HIVEP3: variants seen among roughly 807,000 people sequenced by gnomAD.
HIVEP3 encodes transcription factor HIVEP3.
HIVEP3 carries 49 observed loss-of-function variants against 152.8 expected under a neutral mutation model. The ratio of observed to expected loss-of-function variants is 0.32; its 90% confidence interval spans 0.26 to 0.41. The LOEUF (loss-of-function observed/expected upper bound fraction) is 0.41, where lower values mean the gene tolerates loss of function less well. Ranked by LOEUF, HIVEP3 falls within the 10% of genes least tolerant of loss-of-function variation. The pLI, the probability that HIVEP3 is intolerant of heterozygous loss-of-function variation, is 1.00. For synonymous variants in HIVEP3, 1,269 were observed against 1,289.0 expected, an observed-to-expected ratio of 0.98 and a Z score of 0.33; for missense variants, 2,790 against 3,103.3, an observed-to-expected ratio of 0.90 and a Z score of 2.40.
chr1:41,531,877 T>G, intron 5 of HIVEP3, among the ~76,000 whole-genome samples: 2 of 82,134 alleles, frequency 2.4e-5, no homozygotes, highest in African/African-American at 9.6e-5. Context: ...ACAGGAGAGA[T>G]GGAGGACAGG....
intron 1 of HIVEP3, among the ~76,000 whole-genome samples, chr1:41,889,360 T>C (rs1644410760): frequency 6.6e-6 from 1 of 152,206 alleles, no homozygotes; most frequent in South Asian, 2.1e-4. Context: ...AGGCAGGAGT[T>C]GTGGAGTCAC....
intron 1 of HIVEP3, among the ~76,000 whole-genome samples, chr1:41,868,169 A>G (rs1467047781): frequency 6.8e-6 from 1 of 146,354 alleles, no homozygotes; most frequent in Non-Finnish European, 1.5e-5. Context: ...CATGAACACC[A>G]TCAGTAGTTA....
chr1:41,545,473 A>AG (rs1643749527), intron 5 of HIVEP3, among the ~76,000 whole-genome samples: 2 of 49,046 alleles, frequency 4.1e-5, no homozygotes, highest in African/African-American at 1.7e-4. Context: ...ACCACCACCA[A>AG]CACCACTACC....
chr1:41,530,191 G>T (rs1283915803), intron 5 of HIVEP3, among the ~76,000 whole-genome samples: 2 of 152,220 alleles, frequency 1.3e-5, no homozygotes, highest in Non-Finnish European at 2.9e-5. Flanking sequence ...GCCCTGACCA[G>T]CCAGTTTTGG....
chr1:41,511,241 G>A lies in HIVEP3; in HGVS notation c.6431C>T (p.Ser2144Phe). ...PWQKAESRSP[S>F]CSPGPAHPLS... ...AGGATGAGCAGGGCCGGGTGAGCAG[G>A]AGGGACTTCGGGACTCGGCCTTCTG... Residue 2144 changes from serine to phenylalanine, a missense_variant, in exon 9 of 9, where the codon TCC (serine) becomes TTC (phenylalanine). Transcript: ENST00000372583. The surrounding 1 kb of genome is among the most constrained non-coding windows in gnomAD (Gnocchi z 4.9). The A allele has an allele frequency of 6.2e-7, 1 of 1,610,332 alleles. No homozygotes were observed. Among genetic ancestry groups the A allele is most frequent in the Non-Finnish European group, 8.5e-7 (1 of 1,177,884 alleles).
chr1:41,675,325 G>A lies in HIVEP3; in HGVS notation c.-721+25591C>T, dbSNP rs1645938326. 5.9e-5 allele frequency among the ~76,000 whole-genome samples: 9 copies of A among 152,220 alleles called. 1 individual carries two copies. In the South Asian group the frequency reaches 1.9e-3, roughly 32 times the overall value. On this transcript the variant is annotated intron_variant, in intron 2 of 8. Transcript: ENST00000372583. ...GCCTCAGGGCCTTTGTACATGCTGTGTCTGTGCCTGGGACACTCTGCTCGT... is the reference window on the plus strand; with the variant it reads ...GCCTCAGGGCCTTTGTACATGCTGTATCTGTGCCTGGGACACTCTGCTCGT...
chr1:41,805,754 C>A (rs1019636447), intron 1 of HIVEP3, among the ~76,000 whole-genome samples: 2 of 152,198 alleles, frequency 1.3e-5, no homozygotes, highest in African/African-American at 4.8e-5. Flanking sequence ...AAGGCATAAG[C>A]TATGAATGGA....
intron 1 of HIVEP3, among the ~76,000 whole-genome samples, chr1:41,949,248 G>A (rs990120892): frequency 4.6e-5 from 7 of 152,092 alleles, no homozygotes; most frequent in African/African-American, 1.4e-4. Flanking sequence ...CCTAAGCCCC[G>A]AAACAAAAGA....
Position 41,880,258 on chromosome 1 carries a change from C to T in HIVEP3, c.-801+38155G>A, listed in dbSNP as rs185722984. ...GTCTCCCTATGTTGCCCAGGCTGGT[C>T]CCGAACTCCTAGGCTCAAGCAATGC... On this transcript the variant is annotated intron_variant, in intron 1 of 8. Coordinates refer to ENST00000372583, the MANE Select transcript of HIVEP3 (RefSeq NM_024503.5). Among the ~76,000 whole-genome samples the T allele has an allele frequency of 7.2e-4, 109 of 152,210 alleles. 1 individual carries two copies. Among genetic ancestry groups the T allele is most frequent in the Middle Eastern group, 3.4e-3 (1 of 294 alleles).
chr1:41,596,663 CAT>C (rs764272375), intron 3 of HIVEP3, among the ~76,000 whole-genome samples: 1 of 152,174 alleles, frequency 6.6e-6, no homozygotes, highest in Non-Finnish European at 1.5e-5. Context: ...ACAAAACAAA[CAT>C]ATTGATTCTT....
At chr1:42,021,750 T>C (rs1645555900) in intron 1 of HIVEP3, among the ~76,000 whole-genome samples, 1 of 152,176 alleles carries the variant, frequency 6.6e-6, no homozygotes, top group Admixed American at 6.5e-5. Context: ...GACTGAGGAA[T>C]GTCCAGTGAG....
chr1:41,882,882 C>A (rs1416890962), intron 1 of HIVEP3, among the ~76,000 whole-genome samples: 2 of 152,168 alleles, frequency 1.3e-5, no homozygotes. Flanking sequence ...TATACTGCCA[C>A]TTTGGTTTGT....
intron 5 of HIVEP3, among the ~76,000 whole-genome samples, chr1:41,575,260 G>C (rs745370444): frequency 9.2e-5 from 14 of 152,166 alleles, no homozygotes; most frequent in Non-Finnish European, 1.6e-4. Context: ...CTAGAAACCT[G>C]GCCAGGATCT....
At chr1:41,690,143 T>C (rs1646174508) in intron 2 of HIVEP3, among the ~76,000 whole-genome samples, 1 of 152,268 alleles carries the variant, frequency 6.6e-6, no homozygotes, top group Non-Finnish European at 1.5e-5. Context: ...TGACACCAGC[T>C]TATGGCAGGG....
At chr1:41,685,089 C>T (rs1646095200) in intron 2 of HIVEP3, among the ~76,000 whole-genome samples, 1 of 152,190 alleles carries the variant, frequency 6.6e-6, no homozygotes. Context: ...TCTCTGAGCC[C>T]CCACTGTCCC....
At chr1:41,804,260 G>A (rs918809917) in intron 1 of HIVEP3, among the ~76,000 whole-genome samples, 9 of 152,262 alleles carry the variant, frequency 5.9e-5, no homozygotes, top group African/African-American at 2.2e-4. Context: ...GCCTGTACCT[G>A]CCTGGATTCA....
At chr1:41,659,975 G>A (rs528308395) in intron 2 of HIVEP3, among the ~76,000 whole-genome samples, 4 of 152,344 alleles carry the variant, frequency 2.6e-5, no homozygotes, top group East Asian at 3.9e-4. Flanking sequence ...AGTGTGCGTA[G>A]GAGCAGATGT....
At chr1:41,745,985 T>C (rs1043476133) in intron 1 of HIVEP3, among the ~76,000 whole-genome samples, 2 of 152,186 alleles carry the variant, frequency 1.3e-5, no homozygotes, top group African/African-American at 4.8e-5. Context: ...GGTCAACGAA[T>C]GAATGGCTAA....
intron 1 of HIVEP3, among the ~76,000 whole-genome samples, chr1:41,981,546 G>A (rs2124510314): frequency 6.6e-6 from 1 of 152,248 alleles, no homozygotes; most frequent in African/African-American, 2.4e-5. Flanking sequence ...CACTAGCTGT[G>A]TGACCTTCTG....
Sources: gnomAD v4.1 joint callset for allele counts (sites outside exome capture counted in the v4.1 genomes callset) on GRCh38, gnomAD v4.1.1 for gene constraint, Gnocchi (gnomAD v3.1) non-coding constraint, MANE v1.5 for transcripts, NCBI Gene and HGNC (gene_info 2026-07-23, HGNC 2026-07-21) for gene names.